NFIA: variants seen among roughly 807,000 people sequenced by gnomAD.
The protein encoded by NFIA is nuclear factor I A.
In NFIA, 8 loss-of-function variants were observed where a neutral mutation model predicts 62.8. The observed-to-expected ratio is 0.13, with a 90% CI of 0.07 to 0.23. NFIA has a LOEUF of 0.23. NFIA is among the 10% of genes least tolerant of loss of function. The pLI is 1.00. For missense variants in NFIA, 410 were observed against 642.1 expected (o/e 0.64, Z 3.91); for synonymous variants, 235 against 238.1 (o/e 0.99, Z 0.12).
intron 2 of NFIA, among the ~76,000 whole-genome samples, chr1:61,206,097 T>TTTAAAA (rs1212103144): frequency 6.6e-6 from 1 of 152,042 alleles, no homozygotes; most frequent in African/African-American, 2.4e-5. Flanking sequence ...AACTAATGTT[T>TTTAAAA]TTAAAATTAT....
intron 5 of NFIA, among the ~76,000 whole-genome samples, chr1:61,358,252 C>G (rs1569596273): frequency 1.3e-5 from 2 of 151,828 alleles, no homozygotes; most frequent in East Asian, 3.9e-4. Flanking sequence ...GTATTTAGAG[C>G]AGGACCTGGA....
At chr1:61,120,938 G>A (rs771043738) in intron 2 of NFIA, among the ~76,000 whole-genome samples, 42 of 152,170 alleles carry the variant, frequency 2.8e-4, no homozygotes, top group Non-Finnish European at 4.1e-4. Flanking sequence ...TTAGTGCCTT[G>A]TAATATATTT....
At chr1:61,125,740 G>T (rs1038137458) in intron 2 of NFIA, among the ~76,000 whole-genome samples, 7 of 152,184 alleles carry the variant, frequency 4.6e-5, no homozygotes, top group African/African-American at 1.7e-4. Flanking sequence ...GCTGCTCAAG[G>T]AAGGGAGATA....
chr1:61,414,543 T>G (rs1181835994), intron 9 of NFIA, among the ~76,000 whole-genome samples: 1 of 150,396 alleles, frequency 6.6e-6, no homozygotes, highest in Non-Finnish European at 1.5e-5. Context: ...TTTGTTTTGT[T>G]TTTTTTTTTC....
chr1:61,106,763 T>A (rs1432315118), intron 2 of NFIA, among the ~76,000 whole-genome samples: 1 of 151,590 alleles, frequency 6.6e-6, no homozygotes, highest in Non-Finnish European at 1.5e-5. Flanking sequence ...CCAATACCTT[T>A]CATTTACCTG....
At chr1:61,108,475 G>A (rs548723309) in intron 2 of NFIA, among the ~76,000 whole-genome samples, 2 of 151,686 alleles carry the variant, frequency 1.3e-5, no homozygotes, top group African/African-American at 4.8e-5. Flanking sequence ...AGCCAATAAT[G>A]TATTGGTAAG....
At chr1:61,096,547 CT>C (rs369305204) in intron 2 of NFIA, among the ~76,000 whole-genome samples, 1,288 of 80,572 alleles carry the variant, frequency 0.016, 1 homozygote, top group African/African-American at 0.02. Flanking sequence ...AAGATTAGTT[CT>C]TTTTTTTTTT....
intron 2 of NFIA, among the ~76,000 whole-genome samples, chr1:61,237,499 A>T (rs1328350228): frequency 6.6e-6 from 1 of 152,242 alleles, no homozygotes; most frequent in Non-Finnish European, 1.5e-5. Flanking sequence ...TGAAATTCAG[A>T]AAACAAATAG....
At chr1:61,244,816 T>A (rs1199171430) in intron 2 of NFIA, among the ~76,000 whole-genome samples, 2 of 152,184 alleles carry the variant, frequency 1.3e-5, no homozygotes, top group Non-Finnish European at 2.9e-5. Flanking sequence ...TTCACATAAA[T>A]GCGTTTTCTA....
chr1:61,391,528 T>A (rs1664986271), intron 7 of NFIA, among the ~76,000 whole-genome samples: 1 of 151,160 alleles, frequency 6.6e-6, no homozygotes, highest in East Asian at 1.9e-4. Flanking sequence ...CTGGCAGGCG[T>A]GTGCCACCAT....
chr1:61,401,588 G>A (rs2499525), intron 7 of NFIA, among the ~76,000 whole-genome samples: 46,361 of 151,900 alleles, frequency 0.31, 7,443 homozygotes, highest in East Asian at 0.57. Flanking sequence ...GTAGGCCACC[G>A]TGATTTCATA....
rs115010325 is a variant in NFIA, at chr1:61,438,569, A to G, written c.1512+12013A>G. Among the ~76,000 whole-genome samples, 715 of 152,294 alleles carry G rather than the reference A, an allele frequency of 4.7e-3. 7 individuals carry two copies. Among genetic ancestry groups the G allele is most frequent in the African/African-American group, 0.016 (653 of 41,560 alleles). On this transcript the variant is annotated intron_variant, in intron 10 of 10. Transcript: ENST00000403491. ...AATTCTCTCATTACCCAGTGGAATG[A>G]TATTTATGTATTAAGATCATACTTA...
intron 2 of NFIA, among the ~76,000 whole-genome samples, chr1:61,096,473 G>GT (rs1646415327): frequency 6.6e-6 from 1 of 151,706 alleles, no homozygotes. Context: ...CAAAGTGCTG[G>GT]GATTACAGGC....
chr1:61,365,048 A>G (rs1241329624), intron 6 of NFIA, among the ~76,000 whole-genome samples: 1 of 152,178 alleles, frequency 6.6e-6, no homozygotes, highest in Non-Finnish European at 1.5e-5. Context: ...TTAGCCATGC[A>G]TAATGGTGTG....
intron 2 of NFIA, among the ~76,000 whole-genome samples, chr1:61,119,082 T>C (rs1646842998): frequency 6.6e-6 from 1 of 152,196 alleles, no homozygotes; most frequent in Admixed American, 6.5e-5. Flanking sequence ...TTACAATAAA[T>C]TATGATCTCC....
chr1:61,081,874 G>A, upstream of NFIA: 1 of 1,541,832 alleles, frequency 6.5e-7, no homozygotes, highest in Non-Finnish European at 8.7e-7. Flanking sequence ...AATGCTTTGA[G>A]CCTTACCGCA....
intron 2 of NFIA, among the ~76,000 whole-genome samples, chr1:61,160,957 C>T (rs561642899): frequency 3.3e-5 from 5 of 152,316 alleles, no homozygotes; most frequent in African/African-American, 1.2e-4. Context: ...CTCTGTTGTC[C>T]AGGCTGGAGT....
intron 4 of NFIA, among the ~76,000 whole-genome samples, chr1:61,339,099 C>T (rs974151464): frequency 1.3e-5 from 2 of 152,134 alleles, no homozygotes; most frequent in Non-Finnish European, 2.9e-5. Context: ...ACTATGTGCT[C>T]GATCAATATC....
Position 61,406,545 on chromosome 1 carries a change from C to CA in NFIA, c.1255-17_1255-16insA, listed in dbSNP as rs754704533. ...TTTTTCTTGTACGTGTGTTTTCTGC[C>CA]CCCCCCCCCCCCACAGCCCAATGGG... On this transcript the variant is annotated splice_polypyrimidine_tract_variant and intron_variant, in intron 8 of 10. Transcript: ENST00000403491. 1.9e-5 allele frequency: 5 copies of CA among 268,370 alleles called. No homozygotes were observed. The highest frequency in any genetic ancestry group is 2.8e-5 in the Non-Finnish European group (5 of 179,294). The allele number at this position is 268,370 out of a possible 1,614,324, so 16.6% of individuals were successfully genotyped here.
Sources: allele counts gnomAD v4.1 joint callset (sites outside exome capture counted in the v4.1 genomes callset), GRCh38; gene constraint gnomAD v4.1.1; transcripts MANE v1.5; gene names NCBI Gene and HGNC (gene_info 2026-07-23, HGNC 2026-07-21).